The following BNIP3L variants were observed in gnomAD, a reference collection of about 807,000 sequenced individuals.
BNIP3L encodes BCL2 interacting protein 3 like, also known as BCL2/adenovirus E1B 19 kDa protein-interacting protein 3-like.
Under a neutral mutation model 25.5 loss-of-function variants are expected in BNIP3L, and 10 were observed. That is an observed-to-expected ratio of 0.39 (90% confidence interval 0.24 to 0.67). BNIP3L has a LOEUF of 0.67. Among genes scored for constraint, BNIP3L ranks in the 30% least tolerant of loss-of-function variants. BNIP3L has a pLI of 0.45. For synonymous variants in BNIP3L, 113 were observed against 101.2 expected, an observed-to-expected ratio of 1.12 and a Z score of -0.70; for missense variants, 215 against 270.9, an observed-to-expected ratio of 0.79 and a Z score of 1.45.
At chr8:26,394,438 G>T (rs1449257084) in intron 2 of BNIP3L, among the ~76,000 whole-genome samples, 1 of 152,038 alleles carries the variant, frequency 6.6e-6, no homozygotes, top group Non-Finnish European at 1.5e-5. Context: ...CAAAAAACTT[G>T]TTTGTGGGTT....
At chr8:26,404,473 A>G (rs62490990) in intron 3 of BNIP3L, among the ~76,000 whole-genome samples, 2,887 of 152,328 alleles carry the variant, frequency 0.019, 45 homozygotes, top group Admixed American at 0.05. Context: ...ATCAGAAAAC[A>G]AAGAACTCCA....
chr8:26,409,409 C>T (rs561848871), intron 5 of BNIP3L, among the ~76,000 whole-genome samples: 13 of 152,232 alleles, frequency 8.5e-5, no homozygotes, highest in Non-Finnish European at 1.9e-4. Flanking sequence ...TTAAGGAGCT[C>T]AGCATATTGG....
At chr8:26,384,249 T>C (rs959729490) in intron 1 of BNIP3L, among the ~76,000 whole-genome samples, 2 of 152,140 alleles carry the variant, frequency 1.3e-5, no homozygotes, top group African/African-American at 2.4e-5. Context: ...TCAAAACCAC[T>C]TGGATGCTTA....
intron 4 of BNIP3L, 52 bp downstream of exon 4, chr8:26,408,155 T>TAA: frequency 6.2e-7 from 1 of 1,611,378 alleles, no homozygotes; most frequent in Non-Finnish European, 8.5e-7. Context: ...TGCGCACGCT[T>TAA]ACAGGCAATG....
At chr8:26,390,090 G>A (rs1483015258) in intron 1 of BNIP3L, among the ~76,000 whole-genome samples, 1 of 152,010 alleles carries the variant, frequency 6.6e-6, no homozygotes, top group Non-Finnish European at 1.5e-5. Flanking sequence ...TAAGTTTATT[G>A]GCTACTGTTA....
chr8:26,395,358 T>C (rs1441730897), intron 3 of BNIP3L, 56 bp downstream of exon 3: 3 of 1,551,106 alleles, frequency 1.9e-6, no homozygotes, highest in Admixed American at 3.6e-5. Flanking sequence ...GTAAATTCTC[T>C]AAGTATATTT....
intron 1 of BNIP3L, among the ~76,000 whole-genome samples, chr8:26,385,000 C>CA: frequency 6.6e-6 from 1 of 152,130 alleles, no homozygotes; most frequent in East Asian, 2.0e-4. Flanking sequence ...AGGCTGGTCT[C>CA]AAACTCCTGA....
intron 2 of BNIP3L, 93 bp from the exon 3 acceptor site, chr8:26,395,137 T>C: frequency 7.5e-7 from 1 of 1,328,732 alleles, no homozygotes; most frequent in Non-Finnish European, 1.0e-6. Flanking sequence ...AAAGCCATAC[T>C]GCTGTAACTT....
At chr8:26,391,534 C>A (rs368933934) in intron 2 of BNIP3L, 108 bp downstream of exon 2, 2 of 912,616 alleles carry the variant, frequency 2.2e-6, no homozygotes, top group East Asian at 2.9e-5. Context: ...CAAAATATGC[C>A]TCCTGATATA....
chr8:26,408,189 T>G (rs763695305), intron 4 of BNIP3L, 38 bp from the exon 5 acceptor site: 29 of 1,612,016 alleles, frequency 1.8e-5, no homozygotes, highest in Non-Finnish European at 2.5e-5. Context: ...CCACGATATT[T>G]TCAGCAAATG....
In BNIP3L at chr8:26,400,262, T is replaced by G. The variant is rs1174438884; in HGVS notation, c.357+4960T>G. ...ACAGAGCCCTCAGAAATAACGCCGC[T>G]TACCTACAACTATCTGATCTTTGAC... On this transcript the variant is annotated intron_variant, in intron 3 of 5. Coordinates refer to ENST00000380629, the MANE Select transcript of BNIP3L (RefSeq NM_004331.3). 7.3e-5 allele frequency among the ~76,000 whole-genome samples: 11 copies of G among 151,222 alleles called. No individual in the cohort carries two copies. In the East Asian group the frequency reaches 2.1e-3, roughly 29 times the overall value.
At chr8:26,406,814 A>T (rs1396874860) in intron 3 of BNIP3L, among the ~76,000 whole-genome samples, 1 of 151,332 alleles carries the variant, frequency 6.6e-6, no homozygotes, top group African/African-American at 2.4e-5. Context: ...CCCTGTCTCC[A>T]GAAAAAAAAA....
chr8:26,396,471 T>G (rs1806249714), intron 3 of BNIP3L, among the ~76,000 whole-genome samples: 1 of 114,740 alleles, frequency 8.7e-6, no homozygotes, highest in African/African-American at 3.5e-5. Context: ...AAAACCCATC[T>G]GTACATCACC....
intron 1 of BNIP3L, among the ~76,000 whole-genome samples, chr8:26,390,883 A>G (rs543704805): frequency 2.7e-4 from 41 of 152,332 alleles, no homozygotes; most frequent in African/African-American, 9.1e-4. Context: ...TATATACACC[A>G]ACTAAAATGT....
chr8:26,384,203 A>G (rs1008483447), intron 1 of BNIP3L, among the ~76,000 whole-genome samples: 3 of 152,178 alleles, frequency 2.0e-5, no homozygotes, highest in Admixed American at 2.0e-4. Flanking sequence ...GAAAGAGGTA[A>G]TGGGAGCAGT....
At chr8:26,395,477 T>G in intron 3 of BNIP3L, 175 bp downstream of exon 3, 1 of 649,000 alleles carries the variant, frequency 1.5e-6, no homozygotes. Context: ...CCTTTACAAC[T>G]AAGGATTTTG....
rs769480239 is a variant in BNIP3L, at chr8:26,383,117, C to G, written c.-14C>G. Reference sequence around the variant, plus strand: ...CGGTCCTGCTGCTGCCGCAGTCCTGCCAGCTGTCCGACAATGTCGTCCCAC... The same window carrying G: ...CGGTCCTGCTGCTGCCGCAGTCCTGGCAGCTGTCCGACAATGTCGTCCCAC... On this transcript the variant is annotated 5_prime_UTR_variant, in exon 1 of 6. Coordinates refer to ENST00000380629, the MANE Select transcript of BNIP3L (RefSeq NM_004331.3). 4.4e-6 allele frequency: 7 copies of G among 1,599,578 alleles called. No individual in the cohort carries two copies. The highest frequency in any genetic ancestry group is 6.0e-6 in the Non-Finnish European group (7 of 1,173,014).
chr8:26,394,111 G>A (rs1396639753), intron 2 of BNIP3L, among the ~76,000 whole-genome samples: 1 of 152,106 alleles, frequency 6.6e-6, no homozygotes, highest in African/African-American at 2.4e-5. Flanking sequence ...TGTATGTAGT[G>A]AAGGATCCCC....
chr8:26,383,527 G>A (rs1345539083), intron 1 of BNIP3L: 4 of 216,606 alleles, frequency 1.8e-5, no homozygotes, highest in Non-Finnish European at 3.2e-5. Context: ...CAGCGGAGCC[G>A]GGCGGGGCGG....
Sources: allele counts gnomAD v4.1 joint callset (sites outside exome capture counted in the v4.1 genomes callset), GRCh38; gene constraint gnomAD v4.1.1; transcripts MANE v1.5; gene names NCBI Gene and HGNC (gene_info 2026-07-23, HGNC 2026-07-21).